Variants in ZER1 observed in about 807,000 individuals in gnomAD.
The protein encoded by ZER1 is zyg-11 related cell cycle regulator.
A neutral mutation model predicts 78.8 loss-of-function variants in ZER1; 11 were observed. That is an observed-to-expected ratio of 0.14 (90% CI 0.09 to 0.23). ZER1 has a LOEUF of 0.23. ZER1 is among the 10% of genes least tolerant of loss of function. The probability of loss-of-function intolerance (pLI) is 1.00; values close to 1 mark genes in which losing one functional copy is unlikely to be tolerated. For synonymous variants in ZER1, 400 were observed against 407.0 expected, an observed-to-expected ratio of 0.98 and a Z score of 0.21; for missense variants, 588 against 996.9, an observed-to-expected ratio of 0.59 and a Z score of 5.52.
chr9:128,767,642 G>A (rs192905286), intron 1 of ZER1, among the ~76,000 whole-genome samples: 9 of 152,220 alleles, frequency 5.9e-5, no homozygotes, highest in Non-Finnish European at 1.0e-4. Flanking sequence ...TTGTTCCTCC[G>A]GTAAGTGTGT....
At chr9:128,757,830 T>G (rs543879207) in intron 1 of ZER1, among the ~76,000 whole-genome samples, 1 of 152,326 alleles carries the variant, frequency 6.6e-6, no homozygotes, top group South Asian at 2.1e-4. Flanking sequence ...TATTCACTAT[T>G]TACTAAAGCT....
chr9:128,757,738 G>C (rs1355484638), intron 1 of ZER1, among the ~76,000 whole-genome samples: 1 of 152,196 alleles, frequency 6.6e-6, no homozygotes, highest in African/African-American at 2.4e-5. Flanking sequence ...GGAAGACGGG[G>C]AACAGTGGGA....
chr9:128,766,147 G>A (rs1294591345), intron 1 of ZER1, among the ~76,000 whole-genome samples: 2 of 151,846 alleles, frequency 1.3e-5, no homozygotes, highest in Non-Finnish European at 2.9e-5. Flanking sequence ...TGAAGAGATT[G>A]AGACCATCCT....
rs913143058 is a variant in ZER1, at chr9:128,735,401, G to A, written c.2073C>T (p.Pro691=). Residue 691 remains proline, a synonymous_variant, in exon 14 of 16, where the codon CCC becomes CCT. Transcript: ENST00000291900. ...RSFEPILRLL[P]QGISPVSQHW... is the part of the protein sequence containing the mutation. Reference sequence around the variant, plus strand: ...GCTGGCTGACAGGAGAGATTCCCTGGGGAAGGAGGCGGAGAATTGGTTCAA... The same window carrying A: ...GCTGGCTGACAGGAGAGATTCCCTGAGGAAGGAGGCGGAGAATTGGTTCAA... The A allele has an allele frequency of 6.2e-7, 1 of 1,614,120 alleles. No homozygotes were observed. Among genetic ancestry groups the A allele is most frequent in the South Asian group, 1.1e-5 (1 of 91,070 alleles).
At position 128,738,099 on chromosome 9, in the gene ZER1, C is replaced by T. The variant is rs1386119051; in HGVS notation, c.2042+1832G>A. ...TCGCTCTGTCGCCCAGGCTGGAGTG[C>T]AGTGGCGCGATCTTGGCTAACTGCA... On this transcript the variant is annotated intron_variant, in intron 13 of 15. Coordinates refer to ENST00000291900, the MANE Select transcript of ZER1 (RefSeq NM_006336.4). 2.0e-5 allele frequency among the ~76,000 whole-genome samples: 3 copies of T among 149,526 alleles called. No individual in the cohort carries two copies. In the East Asian group the frequency reaches 5.9e-4, roughly 30 times the overall value.
In ZER1 at chr9:128,732,672, G is replaced by A. The variant is rs910400535; in HGVS notation, c.2243+754C>T. On this transcript the variant is annotated intron_variant, in intron 15 of 15. Coordinates refer to ENST00000291900, the MANE Select transcript of ZER1 (RefSeq NM_006336.4). This position sits in a 1 kb window ranked among gnomAD's most constrained non-coding sequence, Gnocchi z 4.8. Reference sequence around the variant, plus strand: ...TGAGCCACTTCGCCTGGCCAGTAGCGCCTTTGGCCAGATATAATAGCAGAA... The same window carrying A: ...TGAGCCACTTCGCCTGGCCAGTAGCACCTTTGGCCAGATATAATAGCAGAA... 3.9e-5 allele frequency among the ~76,000 whole-genome samples: 6 copies of A among 152,146 alleles called. No individual in the cohort carries two copies. Among genetic ancestry groups the A allele is most frequent in the African/African-American group, 7.2e-5 (3 of 41,442 alleles).
At chr9:128,748,530 C>T (rs908753294) in intron 8 of ZER1, among the ~76,000 whole-genome samples, 3 of 152,000 alleles carry the variant, frequency 2.0e-5, no homozygotes, top group Admixed American at 6.6e-5. Flanking sequence ...GTGATCATGC[C>T]GCTATACTCC....
intron 8 of ZER1, among the ~76,000 whole-genome samples, chr9:128,746,776 C>T (rs1196358446): frequency 1.3e-5 from 2 of 151,852 alleles, no homozygotes; most frequent in Non-Finnish European, 2.9e-5. Flanking sequence ...GCTGGGATTA[C>T]AGGTGCCCAC....
chr9:128,735,249 C>T, intron 14 of ZER1, 85 bp downstream of exon 14: 2 of 1,234,598 alleles, frequency 1.6e-6, no homozygotes, highest in Non-Finnish European at 2.3e-6. Flanking sequence ...GCAATTAATG[C>T]CCCCCTCCTG....
In ZER1 at chr9:128,753,648, C is replaced by G; in HGVS notation, c.310-48G>C. On this transcript the variant is annotated intron_variant, in intron 3 of 15. Transcript: ENST00000291900. The surrounding 1 kb of genome is among the most constrained non-coding windows in gnomAD (Gnocchi z 7.5). ...CATCATCACCACCCTTGCCCCTTCC[C>G]CCGGCCCCAGGCCTTGCCCTGGGCT... The G allele has an allele frequency of 6.3e-7, 1 of 1,594,188 alleles. No individual in the cohort carries two copies. Among genetic ancestry groups the G allele is most frequent in the Non-Finnish European group, 8.6e-7 (1 of 1,169,546 alleles).
rs923411763 is a variant in ZER1, at chr9:128,751,067, G to A, written c.1185+55C>T. The A allele has an allele frequency of 3.9e-6, 6 of 1,535,382 alleles. No homozygotes were observed. The African/African-American group carries it at 4.1e-5, about 11-fold the overall frequency. On this transcript the variant is annotated intron_variant, in intron 7 of 15. Transcript: ENST00000291900. This position sits in a 1 kb window ranked among gnomAD's most constrained non-coding sequence, Gnocchi z 5.4. ...CTGGGGACACGGCTCAGCCAAGCCC[G>A]GCAACCTCCAGGTGGGGAGGGACAG...
At chr9:128,742,468 G>A in intron 9 of ZER1, 62 bp downstream of exon 9, 2 of 1,591,506 alleles carry the variant, frequency 1.3e-6, no homozygotes, top group South Asian at 1.1e-5. Flanking sequence ...CTCGCTCAGG[G>A]TAGAGGGGTG....
At chr9:128,749,134 C>G (rs1454770739) in intron 8 of ZER1, among the ~76,000 whole-genome samples, 1 of 147,460 alleles carries the variant, frequency 6.8e-6, no homozygotes, top group African/African-American at 2.5e-5. Flanking sequence ...TCGAGACCAG[C>G]CTGGCCAACA....
chr9:128,753,991 G>C lies in ZER1; in HGVS notation c.159-32C>G, dbSNP rs1303908560. The C allele has an allele frequency of 1.3e-6, 2 of 1,563,842 alleles. No individual in the cohort carries two copies. The highest frequency in any genetic ancestry group is 1.7e-6 in the Non-Finnish European group (2 of 1,154,034). On this transcript the variant is annotated intron_variant, in intron 2 of 15. Transcript: ENST00000291900. The surrounding 1 kb of genome is among the most constrained non-coding windows in gnomAD (Gnocchi z 7.5). ...GAGAAAAAAGCCTGGCTCAGGAGAG[G>C]GCCACAGGGACTCTCATCCTCGCTT... is the stretch of plus-strand genomic sequence containing the variant.
intron 13 of ZER1, among the ~76,000 whole-genome samples, 154 bp from the exon 14 acceptor site, chr9:128,735,585 C>T (rs1212948178): frequency 2.0e-5 from 3 of 152,048 alleles, no homozygotes; most frequent in African/African-American, 7.2e-5. Context: ...CTGCATCCCA[C>T]TGGCAGGCTG....
chr9:128,750,534 G>A (rs1180230644), intron 8 of ZER1, 82 bp downstream of exon 8: 5 of 1,510,804 alleles, frequency 3.3e-6, no homozygotes, highest in East Asian at 2.3e-5. Flanking sequence ...GCCCAGAGCC[G>A]GGGGAGCCCT....
In ZER1 at chr9:128,752,746, G is replaced by A. The variant is rs1863721058; in HGVS notation, c.850C>T (p.Leu284=). 1.2e-6 allele frequency: 2 copies of A among 1,614,048 alleles called. No homozygotes were observed. The highest frequency in any genetic ancestry group is 3.3e-5 in the Admixed American group (2 of 59,984). The change falls in exon 5 of 16, where the codon CTG becomes TTG. Residue 284 remains leucine, a synonymous_variant. Coordinates refer to ENST00000291900, the MANE Select transcript of ZER1 (RefSeq NM_006336.4). ...AGGATCATGTGGCCAGAGATGTCCA[G>A]GGACATTAGGTTCCCCAGCTTCTGC... ...FVQKLGNLMS[L]DISGHMILEN... is the part of the protein sequence containing the mutation.
chr9:128,737,803 A>G (rs985481234), intron 13 of ZER1, among the ~76,000 whole-genome samples: 16 of 147,292 alleles, frequency 1.1e-4, no homozygotes, highest in Non-Finnish European at 1.8e-4. Context: ...TCCAGGTTCA[A>G]GTGATTCTCC....
At position 128,753,560 on chromosome 9, in the gene ZER1, G is replaced by C; in HGVS notation, c.350C>G (p.Ser117Cys). 1 of 1,613,972 alleles carries C rather than the reference G, an allele frequency of 6.2e-7. No individual in the cohort carries two copies. Among genetic ancestry groups the C allele is most frequent in the South Asian group, 1.1e-5 (1 of 91,084 alleles). Residue 117 changes from serine (S) to cysteine (C), a missense_variant, in exon 4 of 16, where the codon TCC (serine) becomes TGC (cysteine). Ser to Cys is a moderately radical substitution (Grantham distance 112, BLOSUM62 -1). Coordinates refer to ENST00000291900, the MANE Select transcript of ZER1 (RefSeq NM_006336.4). The surrounding 1 kb of genome is among the most constrained non-coding windows in gnomAD (Gnocchi z 7.5). ...CCTCAGTGTCTGCAGGCTCTTGGCG[G>C]ACAGCTTCTCGCAGTTAGTCAGGTA... Reference protein sequence around the residue: ...ELYLTNCEKLSAKSLQTLRSF... With the variant: ...ELYLTNCEKLCAKSLQTLRSF...
Sources: allele counts gnomAD v4.1 joint callset (sites outside exome capture counted in the v4.1 genomes callset), GRCh38; gene constraint gnomAD v4.1.1; non-coding constraint Gnocchi (gnomAD v3.1); transcripts MANE v1.5; gene names NCBI Gene and HGNC (gene_info 2026-07-23, HGNC 2026-07-21).